The following PID1 variants were observed in gnomAD, a reference collection of about 807,000 sequenced individuals.
PID1 encodes phosphotyrosine interaction domain containing 1.
Under a neutral mutation model 19.1 loss-of-function variants are expected in PID1, and 10 were observed. The ratio of observed to expected loss-of-function variants is 0.52; its 90% confidence interval spans 0.32 to 0.89. The LOEUF is 0.89. PID1 is among the 40% of genes least tolerant of loss of function. The pLI, the probability that PID1 is intolerant of heterozygous loss-of-function variation, is 0.03. For missense variants in PID1, 248 were observed against 285.3 expected (o/e 0.87, Z 0.94); for synonymous variants, 130 against 116.0 (o/e 1.12, Z -0.78).
intron 2 of PID1, among the ~76,000 whole-genome samples, chr2:229,146,289 G>C (rs1690128079): frequency 6.6e-6 from 1 of 152,092 alleles, no homozygotes; most frequent in Admixed American, 6.6e-5. Flanking sequence ...AGAACACATG[G>C]ACACAGGGAG....
chr2:229,197,684 T>C (rs1691406613), intron 1 of PID1, among the ~76,000 whole-genome samples: 1 of 152,046 alleles, frequency 6.6e-6, no homozygotes, highest in Non-Finnish European at 1.5e-5. Flanking sequence ...TAAAAATTTC[T>C]TACTAAACCC....
intron 2 of PID1, among the ~76,000 whole-genome samples, chr2:229,079,033 C>T (rs1365639569): frequency 1.1e-4 from 16 of 152,114 alleles, no homozygotes; most frequent in Admixed American, 1.0e-3. Context: ...TATGTAATAT[C>T]AAGTGCCTGT....
intron 1 of PID1, among the ~76,000 whole-genome samples, chr2:229,193,411 C>A (rs1346337674): frequency 6.6e-6 from 1 of 152,182 alleles, no homozygotes; most frequent in East Asian, 1.9e-4. Context: ...TCTGAGCTAA[C>A]ATCAGTCTCA....
At position 229,163,070 on chromosome 2, in the gene PID1, T is replaced by A. The variant is rs558493892; in HGVS notation, c.31-7106A>T. Among the ~76,000 whole-genome samples the A allele has an allele frequency of 1.4e-3, 219 of 152,320 alleles. 4 individuals carry two copies. Among genetic ancestry groups the A allele is most frequent in the Admixed American group, 8.5e-3 (130 of 15,304 alleles). ...AAATGACCTTTTATTTAAACTTTTT[T>A]AAACTATTTTTCTCTTACATATTAG... On this transcript the variant is annotated intron_variant, in intron 1 of 2. Transcript: ENST00000392055.
chr2:229,249,819 C>T (rs554434431), intron 1 of PID1, among the ~76,000 whole-genome samples: 2 of 111,756 alleles, frequency 1.8e-5, no homozygotes, highest in African/African-American at 5.8e-5. Context: ...GCAGGGCAGG[C>T]GGCTGACAGG....
At chr2:229,126,918 C>T (rs1302537369) in intron 2 of PID1, among the ~76,000 whole-genome samples, 2 of 152,214 alleles carry the variant, frequency 1.3e-5, no homozygotes, top group Admixed American at 6.5e-5. Context: ...TCTAATAAGG[C>T]GAAGCTTTCT....
intron 2 of PID1, among the ~76,000 whole-genome samples, chr2:229,070,606 A>T (rs1397129775): frequency 6.6e-6 from 1 of 152,194 alleles, no homozygotes; most frequent in Admixed American, 6.5e-5. Flanking sequence ...AATGTTGAGA[A>T]TGATGATGCC....
chr2:229,026,075 T>C lies in PID1; in HGVS notation c.211A>G (p.Met71Val). The change falls in exon 3 of 3, where the codon ATG (methionine) becomes GTG (valine). Residue 71 changes from methionine to valine, a missense_variant. Transcript: ENST00000392055. ...TYLGKVSTTG[M>V]QFLSGCTEKP... ...TCTGTGCAGCCTGACAAAAACTGCATGCCAGTGGTGGAGACTTTGCCCAGG... is the reference window on the plus strand; with the variant it reads ...TCTGTGCAGCCTGACAAAAACTGCACGCCAGTGGTGGAGACTTTGCCCAGG... 6.2e-7 allele frequency: 1 copy of C among 1,614,140 alleles called. No homozygotes were observed. The highest frequency in any genetic ancestry group is 8.5e-7 in the Non-Finnish European group (1 of 1,179,998).
intron 1 of PID1, among the ~76,000 whole-genome samples, chr2:229,214,555 G>C (rs2106252392): frequency 6.6e-6 from 1 of 152,284 alleles, no homozygotes; most frequent in Non-Finnish European, 1.5e-5. Flanking sequence ...GACATTATTA[G>C]AGAATGATTG....
intron 1 of PID1, among the ~76,000 whole-genome samples, chr2:229,270,143 G>A (rs941933259): frequency 1.3e-5 from 2 of 152,210 alleles, no homozygotes; most frequent in African/African-American, 4.8e-5. Context: ...AGTTTACTAC[G>A]AAACAATGTG....
chr2:229,186,147 T>C (rs569780472), intron 1 of PID1, among the ~76,000 whole-genome samples: 1 of 152,334 alleles, frequency 6.6e-6, no homozygotes, highest in African/African-American at 2.4e-5. Flanking sequence ...TTTGACTCCA[T>C]GTCTCACATC....
At chr2:229,077,745 T>C (rs1057118931) in intron 2 of PID1, among the ~76,000 whole-genome samples, 3 of 152,216 alleles carry the variant, frequency 2.0e-5, no homozygotes, top group African/African-American at 7.2e-5. Context: ...TTGGTCTATA[T>C]ACCCGTTTTG....
rs140501521 is a variant in PID1 at position 229,151,149 on chromosome 2, T to C, written c.177+4669A>G. ...TTTTGTATAGTCCATGAGATCCTGA[T>C]ACTGACCTATGAAAGGTGCAGAAGC... On this transcript the variant is annotated intron_variant, in intron 2 of 2. Transcript: ENST00000392055. Among the ~76,000 whole-genome samples, 5 of 152,190 alleles carry C rather than the reference T, an allele frequency of 3.3e-5. No homozygotes were observed. In the East Asian group the frequency reaches 7.7e-4, roughly 24 times the overall value.
At chr2:229,143,090 A>G (rs6739265) in intron 2 of PID1, among the ~76,000 whole-genome samples, 26,722 of 142,016 alleles carry the variant, frequency 0.19, 2,554 homozygotes, top group East Asian at 0.44. Context: ...GTAAACTATC[A>G]CAAGAACAAA....
chr2:229,233,490 ATTTTT>A lies in PID1; in HGVS notation c.30+37519_30+37523del, dbSNP rs56199529. On this transcript the variant is annotated intron_variant, in intron 1 of 2. Coordinates refer to ENST00000392055, the MANE Select transcript of PID1 (RefSeq NM_001100818.2). ...TAACTGAAAGTAGTCAGTGTGCTAG[ATTTTT>A]TTTTTTTTTTTTTTGAAATGGAGTC... Among the ~76,000 whole-genome samples, 935 of 141,796 alleles carry A rather than the reference ATTTTT, an allele frequency of 6.6e-3. 4 individuals carry two copies. The highest frequency in any genetic ancestry group is 9.4e-3 in the Admixed American group (133 of 14,216). 93.0% of individuals were successfully genotyped at this position (141,796 alleles called of 152,430 possible).
At chr2:229,111,251 G>T (rs888375214) in intron 2 of PID1, among the ~76,000 whole-genome samples, 1 of 152,166 alleles carries the variant, frequency 6.6e-6, no homozygotes, top group African/African-American at 2.4e-5. Context: ...CCAAGGCATG[G>T]AGGGATGGCA....
chr2:229,078,441 G>T (rs1349591180), intron 2 of PID1, among the ~76,000 whole-genome samples: 2 of 152,182 alleles, frequency 1.3e-5, no homozygotes, highest in Admixed American at 1.3e-4. Flanking sequence ...ATGTTGCATA[G>T]GAGTAGTGAG....
intron 1 of PID1, among the ~76,000 whole-genome samples, chr2:229,165,468 C>T (rs1236055555): frequency 6.6e-6 from 1 of 151,864 alleles, no homozygotes; most frequent in African/African-American, 2.4e-5. Flanking sequence ...ATAGTTCCAG[C>T]TACTTGGGAG....
intron 2 of PID1, among the ~76,000 whole-genome samples, chr2:229,120,825 A>G (rs1000334131): frequency 6.6e-6 from 1 of 151,888 alleles, no homozygotes; most frequent in Non-Finnish European, 1.5e-5. Context: ...GAGGTGATGA[A>G]TGAGTTCTTG....
Sources: allele counts gnomAD v4.1 joint callset (sites outside exome capture counted in the v4.1 genomes callset), GRCh38; gene constraint gnomAD v4.1.1; transcripts MANE v1.5; gene names NCBI Gene and HGNC (gene_info 2026-07-23, HGNC 2026-07-21).